TSC1: variants seen among roughly 807,000 people sequenced by gnomAD.
The protein encoded by TSC1 is hamartin.
A neutral mutation model predicts 124.3 loss-of-function variants in TSC1; 20 were observed. The observed-to-expected ratio is 0.16, with a 90% confidence interval of 0.11 to 0.23. The LOEUF (loss-of-function observed/expected upper bound fraction) is 0.23, where lower values mean the gene tolerates loss of function less well. TSC1 is among the 10% of genes least tolerant of loss of function. The pLI is 1.00. For missense variants in TSC1, 1,124 were observed against 1,448.5 expected (o/e 0.78, Z 3.64); for synonymous variants, 493 against 539.1 (o/e 0.91, Z 1.19).
intron 12 of TSC1, chr9:132,909,763 T>A (rs1845845986): frequency 1.3e-5 from 2 of 152,266 alleles, no homozygotes; most frequent in Non-Finnish European, 2.9e-5. Context: ...GGCTAAGATT[T>A]AATAAAATTA....
Position 132,906,548 on chromosome 9 carries a change from CA to C in TSC1, c.1438+182del, listed in dbSNP as rs11349075. 89,172 of 399,590 alleles carry C rather than the reference CA, an allele frequency of 0.22. 1,215 individuals carry two copies. Among genetic ancestry groups the C allele is most frequent in the African/African-American group, 0.25 (8,065 of 32,022 alleles). 24.8% of individuals were successfully genotyped at this position (399,590 alleles called of 1,614,324 possible). ...AGGGTGACAGAGCAAGACCCTGTCT[CA>C]AAAAAAAAAAAAAAAAAAGTGGCAT... On this transcript the variant is annotated intron_variant, in intron 14 of 22. Coordinates refer to ENST00000298552, the MANE Select transcript of TSC1 (RefSeq NM_000368.5). The surrounding 1 kb of genome is among the most constrained non-coding windows in gnomAD (Gnocchi z 4.1).
At position 132,908,052 on chromosome 9, in the gene TSC1, A is replaced by G. The variant is rs146798134; in HGVS notation, c.1264-682T>C. Among the ~76,000 whole-genome samples the G allele has an allele frequency of 7.3e-3, 1,106 of 152,288 alleles. 7 individuals carry two copies. Among genetic ancestry groups the G allele is most frequent in the Non-Finnish European group, 0.011 (778 of 68,016 alleles). ...CAGAGAGCTGCAATTGTGCCACTGC[A>G]CTCCAGCCTGGGCGACAGAGTGAGA... On this transcript the variant is annotated intron_variant, in intron 12 of 22. Coordinates refer to ENST00000298552, the MANE Select transcript of TSC1 (RefSeq NM_000368.5).
chr9:132,911,183 G>A, intron 10 of TSC1, 70 bp from the exon 11 acceptor site: 2 of 1,270,888 alleles, frequency 1.6e-6, no homozygotes, highest in Non-Finnish European at 1.1e-6. Flanking sequence ...TTATATCCAT[G>A]GCCAGTGTTC....
At chr9:132,898,275 G>A (rs372369237) in intron 20 of TSC1, among the ~76,000 whole-genome samples, 27 of 152,322 alleles carry the variant, frequency 1.8e-4, no homozygotes, top group South Asian at 1.7e-3. Flanking sequence ...GCCTGCTGCC[G>A]ACAGATTGGA....
At chr9:132,914,379 T>C (rs1846152011) in intron 8 of TSC1, among the ~76,000 whole-genome samples, 1 of 152,124 alleles carries the variant, frequency 6.6e-6, no homozygotes, top group Non-Finnish European at 1.5e-5. Flanking sequence ...GAATAACTAT[T>C]ATTACACCCC....
At chr9:132,911,680 A>C in intron 9 of TSC1, 112 bp from the exon 10 acceptor site, 1 of 676,220 alleles carries the variant, frequency 1.5e-6, no homozygotes, top group Non-Finnish European at 2.5e-6. Flanking sequence ...ACCATTTGAT[A>C]ATATTCAATT....
At position 132,893,951 on chromosome 9, in the gene TSC1, A is replaced by G. The variant is rs1844896429; in HGVS notation, c.*2284T>C. 1 of 233,290 alleles carries G rather than the reference A, an allele frequency of 4.3e-6. No individual in the cohort carries two copies. The highest frequency in any genetic ancestry group is 8.5e-6 in the Non-Finnish European group (1 of 118,038). The allele number at this position is 233,290 out of a possible 1,614,324, so 14.5% of individuals were successfully genotyped here. ...ACTACTGACTCTGGAGTTCTTTGCAACATGAAAGCCTACATTTTTAGGTTG... is the reference window on the plus strand; with the variant it reads ...ACTACTGACTCTGGAGTTCTTTGCAGCATGAAAGCCTACATTTTTAGGTTG... On this transcript the variant is annotated 3_prime_UTR_variant, in exon 23 of 23. Transcript: ENST00000298552.
chr9:132,943,805 A>C (rs559538141), intron 1 of TSC1: 6 of 152,332 alleles, frequency 3.9e-5, no homozygotes, highest in African/African-American at 1.4e-4. Context: ...ACACAAAGCA[A>C]AACTCTTTAA....
chr9:132,918,848 AAC>A (rs1846396488), intron 8 of TSC1, among the ~76,000 whole-genome samples: 1 of 152,228 alleles, frequency 6.6e-6, no homozygotes, highest in South Asian at 2.1e-4. Context: ...CCCATATATA[AAC>A]AGTTTACTAG....
At position 132,902,661 on chromosome 9, in the gene TSC1, T is replaced by C. The variant is rs1845445721; in HGVS notation, c.2335A>G (p.Ile779Val). 1.9e-6 allele frequency: 3 copies of C among 1,614,192 alleles called. No individual in the cohort carries two copies. Among genetic ancestry groups the C allele is most frequent in the Non-Finnish European group, 2.5e-6 (3 of 1,180,034 alleles). Residue 779 changes from isoleucine to valine, a missense_variant, in exon 18 of 23, where the codon ATC becomes GTC. Physicochemically the swap from Ile to Val is conservative, Grantham distance 29. Coordinates refer to ENST00000298552, the MANE Select transcript of TSC1 (RefSeq NM_000368.5). This position sits in a 1 kb window ranked among gnomAD's most constrained non-coding sequence, Gnocchi z 5.2. ...DTMVTKLHSQ[I>V]RQLQHDREEF... Reference sequence around the variant, plus strand: ...TCTCGGTCATGCTGCAGCTGTCTGATCTGGCTGTGGAGCTTGGTTACCATA... The same window carrying C: ...TCTCGGTCATGCTGCAGCTGTCTGACCTGGCTGTGGAGCTTGGTTACCATA...
intron 8 of TSC1, among the ~76,000 whole-genome samples, chr9:132,915,959 G>C (rs1846254691): frequency 6.6e-6 from 1 of 152,206 alleles, no homozygotes; most frequent in Non-Finnish European, 1.5e-5. Context: ...AAGTGATTGA[G>C]AGCAGGCGTT....
chr9:132,915,768 C>T (rs985493421), intron 8 of TSC1, among the ~76,000 whole-genome samples: 1 of 152,172 alleles, frequency 6.6e-6, no homozygotes, highest in African/African-American at 2.4e-5. Context: ...ATGCTGAAAA[C>T]ACGGTATTAA....
chr9:132,907,276 GC>G, intron 13 of TSC1, 24 bp downstream of exon 13: 1 of 1,599,688 alleles, frequency 6.3e-7, no homozygotes, highest in East Asian at 2.2e-5. Flanking sequence ...GGCAAGCAAG[GC>G]CTGTAGTAAC....
Position 132,906,278 on chromosome 9 carries a change from G to T in TSC1, c.1439-139C>A, listed in dbSNP as rs181028533. On this transcript the variant is annotated intron_variant, in intron 14 of 22. Coordinates refer to ENST00000298552, the MANE Select transcript of TSC1 (RefSeq NM_000368.5). The surrounding 1 kb of genome is among the most constrained non-coding windows in gnomAD (Gnocchi z 4.1). ...AAGTGGCATCCGGCTGGACACAGTGGCTCACGCCTGTAATGCCAGAACTTT... is the reference window on the plus strand; with the variant it reads ...AAGTGGCATCCGGCTGGACACAGTGTCTCACGCCTGTAATGCCAGAACTTT... The T allele has an allele frequency of 1.0e-6, 1 of 976,632 alleles. No individual in the cohort carries two copies. The highest frequency in any genetic ancestry group is 1.6e-6 in the Non-Finnish European group (1 of 637,946). 60.5% of individuals were successfully genotyped at this position (976,632 alleles called of 1,614,324 possible). A position where few individuals can be genotyped will look rare whatever the true frequency, so the allele number is the denominator to read the frequency against.
chr9:132,938,157 T>G (rs1209376436), intron 1 of TSC1, among the ~76,000 whole-genome samples: 1 of 152,260 alleles, frequency 6.6e-6, no homozygotes, highest in African/African-American at 2.4e-5. Flanking sequence ...CTTATTTATA[T>G]TTTTAAGTGT....
Position 132,897,316 on chromosome 9 carries a change from T to C in TSC1, c.2843A>G (p.Tyr948Cys), listed in dbSNP as rs989183765. The change falls in exon 22 of 23, where the codon TAT (tyrosine) becomes TGT (cysteine). Residue 948 changes from tyrosine (Y) to cysteine (C), a missense_variant. This residue lies in a region of TSC1 where 325 missense variants were observed against 383.4 expected (regional missense o/e 0.85). Coordinates refer to ENST00000298552, the MANE Select transcript of TSC1 (RefSeq NM_000368.5). ...RGQLQAAESR[Y>C]EAQKRITQVF... ...CTGGGTTATCCTTTTCTGAGCCTCA[T>C]ACCTGCTCTCTGCGGCCTGCAGCTG... The C allele has an allele frequency of 1.9e-6, 3 of 1,614,248 alleles. No individual in the cohort carries two copies. Among genetic ancestry groups the C allele is most frequent in the East Asian group, 2.2e-5 (1 of 44,894 alleles).
Position 132,902,415 on chromosome 9 carries a change from A to C in TSC1, c.2391+190T>G, listed in dbSNP as rs188998052. On this transcript the variant is annotated intron_variant, in intron 18 of 22. Coordinates refer to ENST00000298552, the MANE Select transcript of TSC1 (RefSeq NM_000368.5). The surrounding 1 kb of genome is among the most constrained non-coding windows in gnomAD (Gnocchi z 5.2). ...TAAGGGAGCTACTATATGAACCAAC[A>C]AAGTTGGGGAACCTCTGTCCTAAGT... is the stretch of plus-strand genomic sequence containing the variant. Among the ~76,000 whole-genome samples the C allele has an allele frequency of 9.8e-4, 150 of 152,338 alleles. 1 individual carries two copies. Among genetic ancestry groups the C allele is most frequent in the African/African-American group, 3.2e-3 (134 of 41,578 alleles).
intron 8 of TSC1, among the ~76,000 whole-genome samples, chr9:132,917,607 C>A (rs1430674017): frequency 2.0e-5 from 3 of 152,206 alleles, no homozygotes; most frequent in Non-Finnish European, 4.4e-5. Context: ...GCTAGGATTA[C>A]AGGCGTGAGC....
In TSC1 at chr9:132,897,274, A is replaced by C. The variant is rs1438535722; in HGVS notation, c.2885T>G (p.Ile962Ser). 3.1e-6 allele frequency: 5 copies of C among 1,614,014 alleles called. No homozygotes were observed. The highest frequency in any genetic ancestry group is 4.2e-6 in the Non-Finnish European group (5 of 1,180,046). ...CTCCAACCTGCCATATAAATCTAAG[A>C]TCTCCAATTCAAACACCTGGGTTAT... ...KRITQVFELE[I>S]LDLYGRLEKD... Residue 962 changes from isoleucine to serine, a missense_variant, in exon 22 of 23, where the codon ATC becomes AGC. By Grantham distance (142) the Ile-to-Ser change is moderately radical. Around this residue, in one of 5 missense-constraint regions of TSC1, gnomAD observed 325 missense variants for 383.4 expected, o/e 0.85. Coordinates refer to ENST00000298552, the MANE Select transcript of TSC1 (RefSeq NM_000368.5).
Sources: gnomAD v4.1 joint callset for allele counts (sites outside exome capture counted in the v4.1 genomes callset) on GRCh38, gnomAD v4.1.1 for gene constraint, gnomAD v4.1.1 regional missense constraint, Gnocchi (gnomAD v3.1) non-coding constraint, MANE v1.5 for transcripts, NCBI Gene and HGNC (gene_info 2026-07-23, HGNC 2026-07-21) for gene names.